RAC2: variants seen among roughly 807,000 people sequenced by gnomAD.
The protein encoded by RAC2 is Rac family small GTPase 2.
Under a neutral mutation model 24.0 loss-of-function variants are expected in RAC2, and 1 was observed. That is an observed-to-expected ratio of 0.04 (90% CI 0.01 to 0.20). The LOEUF (loss-of-function observed/expected upper bound fraction) is 0.20, where lower values mean the gene tolerates loss of function less well. Among genes scored for constraint, RAC2 ranks in the 10% least tolerant of loss-of-function variants. The pLI is 1.00. For missense variants in RAC2, 130 were observed against 259.1 expected (o/e 0.50, Z 3.42); for synonymous variants, 114 against 106.8 (o/e 1.07, Z -0.41).
chr22:37,227,677 C>G (rs1601669485), intron 5 of RAC2, among the ~76,000 whole-genome samples: 1 of 146,530 alleles, frequency 6.8e-6, no homozygotes, highest in Admixed American at 6.8e-5. Context: ...CCCTCCCACG[C>G]CATACACCCC....
chr22:37,244,235 G>T lies in RAC2; in HGVS notation c.-87C>A, dbSNP rs1569093966. 2 of 1,491,968 alleles carry T rather than the reference G, an allele frequency of 1.3e-6. No individual in the cohort carries two copies. Among genetic ancestry groups the T allele is most frequent in the Non-Finnish European group, 1.8e-6 (2 of 1,083,978 alleles). 92.4% of individuals were successfully genotyped at this position (1,491,968 alleles called of 1,614,324 possible). A position where few individuals can be genotyped will look rare whatever the true frequency, so the allele number is the denominator to read the frequency against. ...CGCAAGGGGTGTGGAGGCTGGTGAG[G>T]CGCCTGCTGAGGAGCAGCGGTGGTG... On this transcript the variant is annotated 5_prime_UTR_variant, in exon 1 of 7. Transcript: ENST00000249071.
intron 2 of RAC2, among the ~76,000 whole-genome samples, chr22:37,235,922 T>G (rs1165720084): frequency 6.6e-6 from 1 of 151,950 alleles, no homozygotes; most frequent in Admixed American, 6.6e-5. Flanking sequence ...GGGCTGAGGG[T>G]CTTTGTATGT....
chr22:37,229,558 C>G (rs902320753), intron 5 of RAC2, among the ~76,000 whole-genome samples: 1 of 152,208 alleles, frequency 6.6e-6, no homozygotes, highest in Admixed American at 6.5e-5. Context: ...GCCCCCAAAA[C>G]TTGTCATCCC....
In RAC2 at chr22:37,231,153, G is replaced by T; in HGVS notation, c.448+78C>A. 7.7e-6 allele frequency: 12 copies of T among 1,549,182 alleles called. No homozygotes were observed. Among genetic ancestry groups the T allele is most frequent in the Non-Finnish European group, 1.1e-5 (12 of 1,124,730 alleles). ...ACTGCACAGCCTGGCCCTGCAGCCCGTGTTTACAATCACACCACGAGGCCA... is the reference window on the plus strand; with the variant it reads ...ACTGCACAGCCTGGCCCTGCAGCCCTTGTTTACAATCACACCACGAGGCCA... On this transcript the variant is annotated intron_variant, in intron 5 of 6. Coordinates refer to ENST00000249071, the MANE Select transcript of RAC2 (RefSeq NM_002872.5). This position sits in a 1 kb window ranked among gnomAD's most constrained non-coding sequence, Gnocchi z 5.5.
intron 2 of RAC2, among the ~76,000 whole-genome samples, chr22:37,236,379 A>G (rs1380101444): frequency 6.6e-6 from 1 of 152,118 alleles, no homozygotes; most frequent in Non-Finnish European, 1.5e-5. Context: ...CCAGAGAGGA[A>G]CCTTATGCAC....
At position 37,231,187 on chromosome 22, in the gene RAC2, C is replaced by T. The variant is rs1358469793; in HGVS notation, c.448+44G>A. 1.2e-6 allele frequency: 2 copies of T among 1,610,118 alleles called. No individual in the cohort carries two copies. The highest frequency in any genetic ancestry group is 8.5e-7 in the Non-Finnish European group (1 of 1,178,202). On this transcript the variant is annotated intron_variant, in intron 5 of 6. Coordinates refer to ENST00000249071, the MANE Select transcript of RAC2 (RefSeq NM_002872.5). This position sits in a 1 kb window ranked among gnomAD's most constrained non-coding sequence, Gnocchi z 5.5. ...ATCACACCACGAGGCCAAGTCAGGG[C>T]CTCCCCTGCAGCCAGATCGCCCCTC...
At chr22:37,243,181 A>G (rs974768251) in intron 1 of RAC2, among the ~76,000 whole-genome samples, 1 of 152,084 alleles carries the variant, frequency 6.6e-6, no homozygotes, top group Non-Finnish European at 1.5e-5. Context: ...AAATTTTTTT[A>G]TAGACATAGG....
intron 2 of RAC2, among the ~76,000 whole-genome samples, chr22:37,235,353 C>G (rs1263298540): frequency 6.6e-6 from 1 of 152,174 alleles, no homozygotes; most frequent in South Asian, 2.1e-4. Context: ...ACTTCCCACT[C>G]TCCTTCCTCT....
Position 37,226,716 on chromosome 22 carries a change from G to A in RAC2, c.536C>T (p.Pro179Leu). The A allele has an allele frequency of 1.2e-6, 2 of 1,613,162 alleles. No individual in the cohort carries two copies. ...GCGCTTCTGCTGCCGCGTGGGCTGA[G>A]GGCACAGCACGGCCCGGATGGCCTC... The part of the protein sequence containing the change: ...FDEAIRAVLC[P>L]QPTRQQKRAC... Residue 179 changes from proline (P) to leucine (L), a missense_variant, in exon 6 of 7, where the codon CCT (proline) becomes CTT (leucine). Pro to Leu is a moderately conservative substitution (Grantham distance 98). Around this residue, in one of 2 missense-constraint regions of RAC2, gnomAD observed 119 missense variants for 192.1 expected, o/e 0.62. Transcript: ENST00000249071.
In RAC2 at chr22:37,231,152, C is replaced by T. The variant is rs1364241888; in HGVS notation, c.448+79G>A. On this transcript the variant is annotated intron_variant, in intron 5 of 6. Coordinates refer to ENST00000249071, the MANE Select transcript of RAC2 (RefSeq NM_002872.5). This position sits in a 1 kb window ranked among gnomAD's most constrained non-coding sequence, Gnocchi z 5.5. ...AACTGCACAGCCTGGCCCTGCAGCCCGTGTTTACAATCACACCACGAGGCC... is the reference window on the plus strand; with the variant it reads ...AACTGCACAGCCTGGCCCTGCAGCCTGTGTTTACAATCACACCACGAGGCC... 61 of 1,543,246 alleles carry T rather than the reference C, an allele frequency of 4.0e-5. No individual in the cohort carries two copies. Among genetic ancestry groups the T allele is most frequent in the South Asian group, 5.6e-5 (5 of 89,424 alleles).
At chr22:37,234,056 C>T (rs1273797813) in intron 2 of RAC2, among the ~76,000 whole-genome samples, 1 of 152,118 alleles carries the variant, frequency 6.6e-6, no homozygotes, top group Admixed American at 6.5e-5. Flanking sequence ...CCGCCAGACC[C>T]AGAGAGCCCT....
chr22:37,232,953 T>A lies in RAC2; in HGVS notation c.108-35A>T, dbSNP rs9610684. On this transcript the variant is annotated intron_variant, in intron 2 of 6. Transcript: ENST00000249071. ...GCAGGCAAGGCGGAGGTAAGGTCAA[T>A]CTCAAACCCCAGAACCTGGGAATTG... is the stretch of plus-strand genomic sequence containing the variant. 8 of 1,508,262 alleles carry A rather than the reference T, an allele frequency of 5.3e-6. No individual in the cohort carries two copies. In the South Asian group the frequency reaches 6.8e-5, roughly 13 times the overall value. 93.4% of individuals were successfully genotyped at this position (1,508,262 alleles called of 1,614,324 possible).
At chr22:37,241,501 G>T in intron 2 of RAC2, 86 bp downstream of exon 2, 2 of 1,378,578 alleles carry the variant, frequency 1.5e-6, no homozygotes. Flanking sequence ...ACAGGGTCTG[G>T]CCCACAGGAA....
intron 1 of RAC2, 101 bp downstream of exon 1, chr22:37,244,012 GC>G: frequency 6.7e-7 from 1 of 1,489,040 alleles, no homozygotes; most frequent in East Asian, 2.3e-5. Flanking sequence ...TTCCAGGGAC[GC>G]CTAGTTCTGC....
At position 37,231,451 on chromosome 22, in the gene RAC2, C is replaced by T. The variant is rs1005898170; in HGVS notation, c.289-61G>A. The T allele has an allele frequency of 1.6e-5, 24 of 1,530,496 alleles. No homozygotes were observed. The Admixed American group carries it at 1.8e-4, about 12-fold the overall frequency. The allele number at this position is 1,530,496 out of a possible 1,614,324, so 94.8% of individuals were successfully genotyped here. The stretch of plus-strand genomic sequence containing the variant: ...GGTCAAGAGGGGGCGCGAGGCTGTG[C>T]GGGGATCAGAGGGAGTGTGAGGGTG... On this transcript the variant is annotated intron_variant, in intron 4 of 6. Coordinates refer to ENST00000249071, the MANE Select transcript of RAC2 (RefSeq NM_002872.5). The surrounding 1 kb of genome is among the most constrained non-coding windows in gnomAD (Gnocchi z 5.5).
chr22:37,227,754 C>T (rs1312387406), intron 5 of RAC2, among the ~76,000 whole-genome samples: 1 of 150,220 alleles, frequency 6.7e-6, no homozygotes, highest in South Asian at 2.1e-4. Context: ...GCCATCCAGT[C>T]CCAGTGGGGT....
chr22:37,241,190 C>A (rs140909410), intron 2 of RAC2: 2 of 776,962 alleles, frequency 2.6e-6, no homozygotes, highest in African/African-American at 3.4e-5. Flanking sequence ...TGTTCCACCC[C>A]TCAGCATGCC....
At chr22:37,236,942 G>A (rs1261670008) in intron 2 of RAC2, among the ~76,000 whole-genome samples, 3 of 152,176 alleles carry the variant, frequency 2.0e-5, no homozygotes, top group Admixed American at 2.0e-4. Context: ...TGTAATCCCA[G>A]CACTTTGGGA....
intron 2 of RAC2, among the ~76,000 whole-genome samples, chr22:37,238,811 C>T (rs1927311338): frequency 1.3e-5 from 2 of 152,234 alleles, no homozygotes; most frequent in Non-Finnish European, 2.9e-5. Context: ...GAGCCAATCA[C>T]GGTGCAGCCC....
Sources: gnomAD v4.1 joint callset for allele counts (sites outside exome capture counted in the v4.1 genomes callset) on GRCh38, gnomAD v4.1.1 for gene constraint, gnomAD v4.1.1 regional missense constraint, Gnocchi (gnomAD v3.1) non-coding constraint, MANE v1.5 for transcripts, NCBI Gene and HGNC (gene_info 2026-07-23, HGNC 2026-07-21) for gene names.